The following FKBP7 variants were observed in gnomAD, a reference collection of about 807,000 sequenced individuals.
The protein encoded by FKBP7 is FKBP prolyl isomerase 7.
Under a neutral mutation model 24.3 loss-of-function variants are expected in FKBP7, and 24 were observed. The observed-to-expected ratio is 0.99, with a 90% CI of 0.72 to 1.39. The LOEUF (loss-of-function observed/expected upper bound fraction) is 1.39, where lower values mean the gene tolerates loss of function less well. Among genes scored for constraint, FKBP7 ranks in the 40% most tolerant of loss-of-function variants. The pLI is 0.00. For missense variants in FKBP7, 257 were observed against 269.5 expected, an observed-to-expected ratio of 0.95 and a Z score of 0.33; for synonymous variants, 98 against 92.8, an observed-to-expected ratio of 1.06 and a Z score of -0.32.
chr2:178,467,106 A>G (rs1187233736), intron 3 of FKBP7, among the ~76,000 whole-genome samples: 1 of 152,190 alleles, frequency 6.6e-6, no homozygotes, highest in Non-Finnish European at 1.5e-5. Flanking sequence ...AATACCTTCA[A>G]ATATTTCTCA....
At chr2:178,471,928 T>C (rs1409686100) in intron 2 of FKBP7, among the ~76,000 whole-genome samples, 1 of 152,194 alleles carries the variant, frequency 6.6e-6, no homozygotes, top group Non-Finnish European at 1.5e-5. Flanking sequence ...ATTACCTGAC[T>C]TTAGAGTAGA....
In FKBP7 at chr2:178,474,844, C is replaced by T. The variant is rs182318135; in HGVS notation, c.373+2218G>A. Among the ~76,000 whole-genome samples the T allele has an allele frequency of 3.9e-3, 597 of 152,282 alleles. 4 individuals carry two copies. The highest frequency in any genetic ancestry group is 7.3e-3 in the Non-Finnish European group (495 of 68,022). On this transcript the variant is annotated intron_variant, in intron 2 of 3. Coordinates refer to ENST00000424785, the MANE Select transcript of FKBP7 (RefSeq NM_181342.3). ...TTGGGACCACAGGCGGATACCGCCA[C>T]GCCTGGCTAACTTTTTAATTTTCTG...
At chr2:178,474,837 A>G (rs1203061828) in intron 2 of FKBP7, among the ~76,000 whole-genome samples, 2 of 152,104 alleles carry the variant, frequency 1.3e-5, no homozygotes, top group Non-Finnish European at 2.9e-5. Flanking sequence ...ACAGGCGGAT[A>G]CCGCCACGCC....
intron 2 of FKBP7, among the ~76,000 whole-genome samples, chr2:178,472,851 C>A (rs1247215161): frequency 1.2e-3 from 76 of 62,500 alleles, no homozygotes; most frequent in South Asian, 4.2e-3. Context: ...GACTCCATCT[C>A]AAAAAAAAAA....
chr2:178,478,571 C>A lies in FKBP7; in HGVS notation c.-72G>T. 1.9e-6 allele frequency: 3 copies of A among 1,590,212 alleles called. No individual in the cohort carries two copies. Among genetic ancestry groups the A allele is most frequent in the South Asian group, 2.3e-5 (2 of 87,940 alleles). On this transcript the variant is annotated 5_prime_UTR_variant, in exon 1 of 4. Coordinates refer to ENST00000424785, the MANE Select transcript of FKBP7 (RefSeq NM_181342.3). ...CCGTGGATGTCCCGCGGCCGAGTTC[C>A]GACGCGTGGCAGGCGTTGTCCTGCG...
intron 2 of FKBP7, among the ~76,000 whole-genome samples, chr2:178,471,272 C>T (rs560585299): frequency 1.3e-5 from 2 of 151,712 alleles, no homozygotes; most frequent in African/African-American, 2.4e-5. Flanking sequence ...TGCAATGGCA[C>T]GATCTCGGCT....
chr2:178,477,530 C>T lies in FKBP7; in HGVS notation c.222-317G>A, dbSNP rs1477474007. On this transcript the variant is annotated intron_variant, in intron 1 of 3. Transcript: ENST00000424785. Reference sequence around the variant, plus strand: ...CTTGTACAAAGAACTCATTTAACTCCCTGGGTTTGTTGTAAAAAAATGATA... The same window carrying T: ...CTTGTACAAAGAACTCATTTAACTCTCTGGGTTTGTTGTAAAAAAATGATA... 2.0e-5 allele frequency among the ~76,000 whole-genome samples: 3 copies of T among 152,088 alleles called. No homozygotes were observed. In the South Asian group the frequency reaches 6.2e-4, roughly 32 times the overall value.
At chr2:178,476,929 G>A in intron 2 of FKBP7, 133 bp downstream of exon 2, 1 of 635,106 alleles carries the variant, frequency 1.6e-6, no homozygotes, top group African/African-American at 1.9e-5. Flanking sequence ...ATTGTACATG[G>A]CTGCTATGAG....
chr2:178,476,987 G>T, intron 2 of FKBP7, 75 bp downstream of exon 2: 1 of 1,077,258 alleles, frequency 9.3e-7, no homozygotes, highest in South Asian at 1.6e-5. Context: ...AATTCTTTCA[G>T]ACCTATATAC....
At chr2:178,476,960 T>G in intron 2 of FKBP7, 102 bp downstream of exon 2, 1 of 856,118 alleles carries the variant, frequency 1.2e-6, no homozygotes, top group East Asian at 2.7e-5. Flanking sequence ...CAAATATTTC[T>G]TTGAGACTGT....
chr2:178,476,633 CATA>C (rs1461588135), intron 2 of FKBP7, among the ~76,000 whole-genome samples: 1 of 151,828 alleles, frequency 6.6e-6, no homozygotes, highest in Non-Finnish European at 1.5e-5. Context: ...TTTCATTTAG[CATA>C]ATGTCCTCAA....
At chr2:178,467,476 C>T (rs1428048700) in intron 3 of FKBP7, among the ~76,000 whole-genome samples, 2 of 151,898 alleles carry the variant, frequency 1.3e-5, no homozygotes, top group East Asian at 1.9e-4. Flanking sequence ...CAGGCTTTGT[C>T]TTGGATTTGC....
At chr2:178,474,488 A>G (rs561266672) in intron 2 of FKBP7, among the ~76,000 whole-genome samples, 4 of 152,354 alleles carry the variant, frequency 2.6e-5, no homozygotes, top group African/African-American at 9.6e-5. Context: ...CTTCCCAGGA[A>G]CACTTAATGT....
At chr2:178,474,269 A>G (rs1684938545) in intron 2 of FKBP7, among the ~76,000 whole-genome samples, 1 of 152,200 alleles carries the variant, frequency 6.6e-6, no homozygotes, top group Admixed American at 6.5e-5. Context: ...AACACGGAGC[A>G]AGAACCTAAC....
intron 2 of FKBP7, among the ~76,000 whole-genome samples, chr2:178,476,485 A>G (rs549892937): frequency 1.3e-5 from 2 of 152,176 alleles, no homozygotes; most frequent in Non-Finnish European, 2.9e-5. Flanking sequence ...CTCTATACCC[A>G]TTGGTCAACA....
At chr2:178,476,093 T>C (rs1684989806) in intron 2 of FKBP7, among the ~76,000 whole-genome samples, 1 of 152,222 alleles carries the variant, frequency 6.6e-6, no homozygotes, top group Non-Finnish European at 1.5e-5. Context: ...GTTATAAATA[T>C]TTATGTAATA....
chr2:178,477,021 T>A (rs1685028523), intron 2 of FKBP7, 41 bp downstream of exon 2: 6 of 1,425,834 alleles, frequency 4.2e-6, no homozygotes, highest in African/African-American at 2.9e-5. Flanking sequence ...AATCATTTTT[T>A]AAATATAACT....
At chr2:178,476,883 A>G (rs1685024200) in intron 2 of FKBP7, among the ~76,000 whole-genome samples, 179 bp downstream of exon 2, 2 of 151,838 alleles carry the variant, frequency 1.3e-5, no homozygotes, top group African/African-American at 2.4e-5. Context: ...CCATTTCTCT[A>G]TGTATGGACA....
chr2:178,477,996 T>G (rs1202611473), intron 1 of FKBP7, among the ~76,000 whole-genome samples: 2 of 152,212 alleles, frequency 1.3e-5, no homozygotes, highest in African/African-American at 4.8e-5. Flanking sequence ...AACCTTGATT[T>G]AATTCTGGAG....
Sources: allele counts gnomAD v4.1 joint callset (sites outside exome capture counted in the v4.1 genomes callset), GRCh38; gene constraint gnomAD v4.1.1; transcripts MANE v1.5; gene names NCBI Gene and HGNC (gene_info 2026-07-23, HGNC 2026-07-21).